The following SLAMF9 variants were observed in gnomAD, a reference collection of about 807,000 sequenced individuals.
SLAMF9 encodes CD2 family member 10.
Under a neutral mutation model 30.4 loss-of-function variants are expected in SLAMF9, and 25 were observed. The ratio of observed to expected loss-of-function variants is 0.82; its 90% CI spans 0.60 to 1.15. SLAMF9 has a LOEUF of 1.15. SLAMF9 is among the 50% of genes most tolerant of loss of function. SLAMF9 has a pLI of 0.00. For missense variants in SLAMF9, 344 were observed against 346.1 expected, an observed-to-expected ratio of 0.99 and a Z score of 0.05; for synonymous variants, 129 against 127.2, an observed-to-expected ratio of 1.01 and a Z score of -0.09.
chr1:159,957,119 C>CT, upstream of SLAMF9, among the ~76,000 whole-genome samples: 1 of 11,806 alleles, frequency 8.5e-5, no homozygotes. Context: ...GAGACTCTGT[C>CT]TCAAAAAAAA....
At chr1:159,954,763 A>G (rs1475447831), upstream of SLAMF9, among the ~76,000 whole-genome samples, 1 of 152,130 alleles carries the variant, frequency 6.6e-6, no homozygotes, top group African/African-American at 2.4e-5. Flanking sequence ...CAGGGGAAAA[A>G]CATTTGATTC....
chr1:159,956,592 G>A (rs1050595903), upstream of SLAMF9, among the ~76,000 whole-genome samples: 2 of 152,130 alleles, frequency 1.3e-5, no homozygotes, highest in Non-Finnish European at 2.9e-5. Context: ...ACTCAGCTAG[G>A]TAAGAAGAGT....
chr1:159,963,080 G>A, the SLAMF9 span, among the ~76,000 whole-genome samples: 1 of 152,160 alleles, frequency 6.6e-6, no homozygotes, highest in Non-Finnish European at 1.5e-5. Context: ...AAACTACTTG[G>A]GTTCCTTCGT....
chr1:159,965,578 A>C, the SLAMF9 span: 2 of 152,224 alleles, frequency 1.3e-5, no homozygotes, highest in Non-Finnish European at 2.9e-5. Flanking sequence ...AGGCACTGCC[A>C]GGGTGTGTAC....
the SLAMF9 span, among the ~76,000 whole-genome samples, chr1:159,966,467 T>C: frequency 6.6e-6 from 1 of 152,236 alleles, no homozygotes; most frequent in African/African-American, 2.4e-5. Flanking sequence ...TTAATTCCTT[T>C]GGATATATTC....
chr1:159,975,232 A>G, the SLAMF9 span, among the ~76,000 whole-genome samples: 1 of 152,206 alleles, frequency 6.6e-6, no homozygotes, highest in African/African-American at 2.4e-5. Flanking sequence ...GCCCTCGGAT[A>G]TATGCTAGTT....
At chr1:159,978,666 C>G in the SLAMF9 span, 1 of 152,188 alleles carries the variant, frequency 6.6e-6, no homozygotes, top group Non-Finnish European at 1.5e-5. Context: ...CTCCAAAGTC[C>G]AGCATGGTAG....
upstream of SLAMF9, among the ~76,000 whole-genome samples, chr1:159,959,046 C>A (rs1651986761): frequency 6.6e-6 from 1 of 152,122 alleles, no homozygotes. Flanking sequence ...GGGGAGGGAG[C>A]AGTCTCTGCT....
At chr1:159,953,762 ACT>A in intron 1 of SLAMF9, 109 bp from the exon 2 acceptor site, 1 of 941,166 alleles carries the variant, frequency 1.1e-6, no homozygotes, top group Non-Finnish European at 1.6e-6. Context: ...AGCTTCTATG[ACT>A]CTCACACTAA....
chr1:159,956,199 C>T (rs1011338055), upstream of SLAMF9, among the ~76,000 whole-genome samples: 2 of 152,186 alleles, frequency 1.3e-5, no homozygotes, highest in Non-Finnish European at 2.9e-5. Context: ...GGCAAGGGAG[C>T]TCATGCCTAT....
At chr1:159,973,791 G>A in the SLAMF9 span, 6 of 1,613,418 alleles carry the variant, frequency 3.7e-6, no homozygotes, top group Non-Finnish European at 5.1e-6. Flanking sequence ...CCAAGCTGGT[G>A]ACTTACCTTG....
chr1:159,958,222 G>A (rs568887477), upstream of SLAMF9, among the ~76,000 whole-genome samples: 1 of 152,344 alleles, frequency 6.6e-6, no homozygotes, highest in East Asian at 1.9e-4. Context: ...TGCACTTCTT[G>A]CAGCCAAAAA....
At chr1:159,960,010 TTA>T in the SLAMF9 span, among the ~76,000 whole-genome samples, 51 of 148,200 alleles carry the variant, frequency 3.4e-4, no homozygotes, top group Admixed American at 6.1e-4. Flanking sequence ...CCTGACTTCT[TTA>T]TATATATATA....
upstream of SLAMF9, among the ~76,000 whole-genome samples, chr1:159,954,756 G>C (rs1008294233): frequency 6.6e-6 from 1 of 152,130 alleles, no homozygotes; most frequent in East Asian, 1.9e-4. Flanking sequence ...CTATTCGCAG[G>C]GGAAAAACAT....
chr1:159,973,849 T>C, the SLAMF9 span: 4 of 1,613,686 alleles, frequency 2.5e-6, no homozygotes, highest in Middle Eastern at 3.3e-4. Context: ...GTCTGTGGAA[T>C]ATACATCACC....
At chr1:159,983,387 T>C in the SLAMF9 span, 3 of 152,116 alleles carry the variant, frequency 2.0e-5, no homozygotes, top group African/African-American at 7.2e-5. Flanking sequence ...GTGCTGGAAG[T>C]CAGAGGGGGA....
intron 1 of SLAMF9, 42 bp from the exon 2 acceptor site, chr1:159,953,695 C>A: frequency 6.5e-7 from 1 of 1,534,234 alleles, no homozygotes; most frequent in Non-Finnish European, 8.8e-7. Flanking sequence ...CAGCTGCTGT[C>A]TCTGGGCTGC....
upstream of SLAMF9, among the ~76,000 whole-genome samples, chr1:159,955,789 G>T (rs1367876557): frequency 3.9e-5 from 6 of 152,192 alleles, no homozygotes; most frequent in African/African-American, 1.4e-4. Flanking sequence ...AGATATTTAA[G>T]ATGAGACCTT....
chr1:159,976,898 A>G, the SLAMF9 span: 1 of 140,840 alleles, frequency 7.1e-6, no homozygotes, highest in Non-Finnish European at 1.5e-5. Flanking sequence ...AAGAGAAAGA[A>G]AGAAGGAAAG....
Sources: allele counts gnomAD v4.1 joint callset (sites outside exome capture counted in the v4.1 genomes callset), GRCh38; gene constraint gnomAD v4.1.1; transcripts MANE v1.5; gene names NCBI Gene and HGNC (gene_info 2026-07-23, HGNC 2026-07-21).